The following MYO1E variants were observed in gnomAD, a reference collection of about 807,000 sequenced individuals.
MYO1E encodes myosin IE.
MYO1E carries 68 observed loss-of-function variants against 151.1 expected under a neutral mutation model. The ratio of observed to expected loss-of-function variants is 0.45; its 90% CI spans 0.37 to 0.55. The LOEUF is 0.55. Among genes scored for constraint, MYO1E ranks in the 20% least tolerant of loss-of-function variants. The probability of loss-of-function intolerance (pLI) is 0.00; values close to 1 mark genes in which losing one functional copy is unlikely to be tolerated. For missense variants in MYO1E, 1,363 were observed against 1,389.3 expected, an observed-to-expected ratio of 0.98 and a Z score of 0.30; for synonymous variants, 601 against 501.7, an observed-to-expected ratio of 1.20 and a Z score of -2.64.
chr15:59,162,334 A>G (rs1596347172), intron 23 of MYO1E, among the ~76,000 whole-genome samples: 5 of 152,188 alleles, frequency 3.3e-5, no homozygotes, highest in Admixed American at 2.6e-4. Flanking sequence ...GGTCCATTAG[A>G]TCATGTTGCC....
intron 1 of MYO1E, among the ~76,000 whole-genome samples, chr15:59,371,898 A>C (rs1596447906): frequency 6.6e-6 from 1 of 150,710 alleles, no homozygotes; most frequent in East Asian, 2.0e-4. Flanking sequence ...TGCTCGCCCT[A>C]CCTGGCGCCC....
At chr15:59,278,574 C>T (rs1374076287) in intron 1 of MYO1E, among the ~76,000 whole-genome samples, 1 of 152,170 alleles carries the variant, frequency 6.6e-6, no homozygotes, top group Non-Finnish European at 1.5e-5. Flanking sequence ...GGTCTACAAA[C>T]CAGCATTGGG....
At chr15:59,218,739 G>T in intron 9 of MYO1E, among the ~76,000 whole-genome samples, 1 of 152,212 alleles carries the variant, frequency 6.6e-6, no homozygotes, top group Admixed American at 6.5e-5. Flanking sequence ...GGAGAAATTA[G>T]AACAGGAAGA....
At chr15:59,362,976 C>CTA (rs2080893730) in intron 1 of MYO1E, among the ~76,000 whole-genome samples, 1 of 127,598 alleles carries the variant, frequency 7.8e-6, no homozygotes, top group Non-Finnish European at 1.6e-5. Flanking sequence ...GTATGACTTT[C>CTA]TTTTTTTTTT....
chr15:59,228,863 G>A (rs1038936685), intron 6 of MYO1E, among the ~76,000 whole-genome samples: 1 of 152,162 alleles, frequency 6.6e-6, no homozygotes, highest in Non-Finnish European at 1.5e-5. Context: ...GTTCCTGTTC[G>A]TAATTATTCT....
intron 1 of MYO1E, among the ~76,000 whole-genome samples, chr15:59,360,697 A>T (rs139687592): frequency 1.3e-5 from 2 of 152,206 alleles, no homozygotes; most frequent in Non-Finnish European, 2.9e-5. Context: ...TCATCACTAC[A>T]AAAGGACTTC....
At chr15:59,238,871 C>G (rs2065558686) in intron 4 of MYO1E, among the ~76,000 whole-genome samples, 1 of 151,686 alleles carries the variant, frequency 6.6e-6, no homozygotes. Context: ...ACACCTGGCT[C>G]TTTTTCCTTT....
At chr15:59,149,061 T>TTTTTG (rs2079460347) in intron 26 of MYO1E, among the ~76,000 whole-genome samples, 2 of 140,050 alleles carry the variant, frequency 1.4e-5, no homozygotes, top group African/African-American at 2.8e-5. Context: ...TGTTTTTTTT[T>TTTTTG]TTTTTTTTTT....
At chr15:59,200,305 C>T (rs756645129) in intron 16 of MYO1E, among the ~76,000 whole-genome samples, 3 of 152,192 alleles carry the variant, frequency 2.0e-5, no homozygotes, top group Non-Finnish European at 2.9e-5. Context: ...TTATCCAGGA[C>T]TTTGCAGTAA....
At position 59,224,693 on chromosome 15, in the gene MYO1E, G is replaced by A. The variant is rs756623267; in HGVS notation, c.773C>T (p.Thr258Ile). 1 of 1,614,192 alleles carries A rather than the reference G, an allele frequency of 6.2e-7. No individual in the cohort carries two copies. The highest frequency in any genetic ancestry group is 8.5e-7 in the Non-Finnish European group (1 of 1,180,030). The change falls in exon 8 of 28, where the codon ACT becomes ATT. Residue 258 changes from threonine (T) to isoleucine (I), a missense_variant. Physicochemically the swap from Thr to Ile is moderately conservative, Grantham distance 89. Coordinates refer to ENST00000288235, the MANE Select transcript of MYO1E (RefSeq NM_004998.4). ...DIDDRREFQE[T>I]LHAMNVIGIF... ...TGGCCCTGCGCCAGCACTTACCAGAGTTTCCTGAAACTCCCGCCTGTCGTC... is the reference window on the plus strand; with the variant it reads ...TGGCCCTGCGCCAGCACTTACCAGAATTTCCTGAAACTCCCGCCTGTCGTC...
At chr15:59,222,439 T>C (rs2079961699) in intron 9 of MYO1E, among the ~76,000 whole-genome samples, 1 of 152,098 alleles carries the variant, frequency 6.6e-6, no homozygotes, top group Non-Finnish European at 1.5e-5. Context: ...AGAACCCTGA[T>C]TTTTTTTCTC....
chr15:59,255,191 T>C (rs1053317511), intron 4 of MYO1E, among the ~76,000 whole-genome samples: 10 of 151,932 alleles, frequency 6.6e-5, no homozygotes, highest in South Asian at 4.2e-4. Context: ...CTCAGCTCAA[T>C]GCAGCCTTGA....
chr15:59,257,386 T>G (rs1400577092), intron 3 of MYO1E, among the ~76,000 whole-genome samples: 1 of 152,308 alleles, frequency 6.6e-6, no homozygotes, highest in East Asian at 1.9e-4. Context: ...GAGGACAGCT[T>G]GAGTCCAGGA....
At chr15:59,149,052 GTTTTTTTT>G (rs570700878) in intron 26 of MYO1E, among the ~76,000 whole-genome samples, 1 of 128,234 alleles carries the variant, frequency 7.8e-6, no homozygotes, top group African/African-American at 3.0e-5. Context: ...TTTTTTTTTT[GTTTTTTTT>G]TTTTTTTTTT....
At chr15:59,369,601 A>AT (rs1231173464) in intron 1 of MYO1E, among the ~76,000 whole-genome samples, 1 of 152,208 alleles carries the variant, frequency 6.6e-6, no homozygotes, top group East Asian at 1.9e-4. Flanking sequence ...CCACTAAATT[A>AT]TAAAGATGTG....
At chr15:59,177,752 G>A (rs1296807209) in intron 19 of MYO1E, among the ~76,000 whole-genome samples, 1 of 152,208 alleles carries the variant, frequency 6.6e-6, no homozygotes, top group South Asian at 2.1e-4. Flanking sequence ...GTAGCAGACT[G>A]TTTGTGAATT....
In MYO1E at chr15:59,302,235, T is replaced by C. The variant is rs117692812; in HGVS notation, c.4-29786A>G. ...ATCAGTTTGTGACTCAAGTAAGATT[T>C]AGGGACATGTCCAATTAACGAAGGC... On this transcript the variant is annotated intron_variant, in intron 1 of 27. Coordinates refer to ENST00000288235, the MANE Select transcript of MYO1E (RefSeq NM_004998.4). Among the ~76,000 whole-genome samples the C allele has an allele frequency of 1.2e-3, 176 of 152,284 alleles. 4 individuals carry two copies. In the East Asian group the frequency reaches 0.03, roughly 26 times the overall value.
intron 6 of MYO1E, among the ~76,000 whole-genome samples, chr15:59,230,972 A>C (rs1315272047): frequency 6.6e-6 from 1 of 152,206 alleles, no homozygotes; most frequent in African/African-American, 2.4e-5. Context: ...GGCTTTTGTC[A>C]AGGGGAACAT....
chr15:59,205,341 T>G, intron 15 of MYO1E, 59 bp downstream of exon 15: 1 of 1,531,566 alleles, frequency 6.5e-7, no homozygotes, highest in South Asian at 1.1e-5. Flanking sequence ...AAGTTTGTTT[T>G]CATATTGAAA....
Sources: allele counts gnomAD v4.1 joint callset (sites outside exome capture counted in the v4.1 genomes callset), GRCh38; gene constraint gnomAD v4.1.1; transcripts MANE v1.5; gene names NCBI Gene and HGNC (gene_info 2026-07-23, HGNC 2026-07-21).